GPM6A: variants seen among roughly 807,000 people sequenced by gnomAD.
GPM6A encodes glycoprotein M6A, also known as neuronal membrane glycoprotein M6-a.
GPM6A carries 7 observed loss-of-function variants against 32.1 expected under a neutral mutation model. The ratio of observed to expected loss-of-function variants is 0.22; its 90% CI spans 0.12 to 0.41. GPM6A has a LOEUF of 0.41. Ranked by LOEUF, GPM6A falls within the 10% of genes least tolerant of loss-of-function variation. The pLI is 1.00. For missense variants in GPM6A, 235 were observed against 347.2 expected (o/e 0.68, Z 2.57); for synonymous variants, 130 against 123.4 (o/e 1.05, Z -0.35).
intron 1 of GPM6A, among the ~76,000 whole-genome samples, chr4:176,000,627 C>T (rs1474232122): frequency 3.3e-5 from 5 of 152,090 alleles, no homozygotes. Flanking sequence ...CATTTTAATG[C>T]TTTTAATACA....
At chr4:175,636,136 G>T (rs535326394) in intron 6 of GPM6A, among the ~76,000 whole-genome samples, 2 of 151,384 alleles carry the variant, frequency 1.3e-5, no homozygotes, top group African/African-American at 4.8e-5. Context: ...CCTATTTTTA[G>T]AATTTTCTGT....
chr4:175,931,640 T>A (rs1739040758), intron 1 of GPM6A, among the ~76,000 whole-genome samples: 1 of 149,764 alleles, frequency 6.7e-6, no homozygotes, highest in Non-Finnish European at 1.5e-5. Flanking sequence ...GCTTTAAGAG[T>A]CCATTTCTGA....
intron 3 of GPM6A, among the ~76,000 whole-genome samples, chr4:175,662,022 TA>T (rs1016733081): frequency 2.0e-5 from 3 of 152,040 alleles, no homozygotes; most frequent in South Asian, 2.1e-4. Flanking sequence ...TAAATTTTTT[TA>T]AAAAAAATTA....
intron 1 of GPM6A, among the ~76,000 whole-genome samples, chr4:175,773,168 A>C (rs1001889277): frequency 6.6e-6 from 1 of 152,226 alleles, no homozygotes; most frequent in Non-Finnish European, 1.5e-5. Flanking sequence ...GTGCATATTA[A>C]AAAACAGTTG....
intron 1 of GPM6A, among the ~76,000 whole-genome samples, chr4:175,948,352 C>T (rs1388462940): frequency 6.6e-6 from 1 of 152,088 alleles, no homozygotes; most frequent in East Asian, 1.9e-4. Context: ...TTTTTCTTTC[C>T]TTCATAGAAG....
At chr4:175,672,448 C>A (rs905604533) in intron 3 of GPM6A, among the ~76,000 whole-genome samples, 7 of 152,170 alleles carry the variant, frequency 4.6e-5, no homozygotes, top group African/African-American at 1.7e-4. Flanking sequence ...ATTCACTATA[C>A]TCTATTGACA....
chr4:175,670,451 A>AACTT (rs1195559904), intron 3 of GPM6A, among the ~76,000 whole-genome samples: 1 of 152,212 alleles, frequency 6.6e-6, no homozygotes, highest in Non-Finnish European at 1.5e-5. Context: ...TTTTGGCTTA[A>AACTT]ACTTTAATAA....
chr4:175,930,417 C>A (rs1338806193), intron 1 of GPM6A, among the ~76,000 whole-genome samples: 1 of 103,886 alleles, frequency 9.6e-6, no homozygotes, highest in Admixed American at 1.2e-4. Context: ...GGCTTTTCAT[C>A]TGTTTTTTGG....
chr4:175,844,456 A>T (rs777560711), intron 1 of GPM6A, among the ~76,000 whole-genome samples: 4 of 152,142 alleles, frequency 2.6e-5, no homozygotes, highest in Non-Finnish European at 2.9e-5. Flanking sequence ...GAAACCAAGG[A>T]TATGAAATAT....
chr4:175,977,003 C>A (rs1740683219), intron 1 of GPM6A, among the ~76,000 whole-genome samples: 1 of 152,156 alleles, frequency 6.6e-6, no homozygotes, highest in Admixed American at 6.6e-5. Flanking sequence ...CTATCCAGAT[C>A]TTTAAAATTA....
chr4:175,753,768 T>C (rs527369021), intron 1 of GPM6A, among the ~76,000 whole-genome samples: 1 of 152,304 alleles, frequency 6.6e-6, no homozygotes, highest in South Asian at 2.1e-4. Context: ...CTAGAAATCC[T>C]ATTTCCATTT....
chr4:175,887,133 T>A (rs1461208454), intron 1 of GPM6A, among the ~76,000 whole-genome samples: 1 of 151,828 alleles, frequency 6.6e-6, no homozygotes, highest in Non-Finnish European at 1.5e-5. Flanking sequence ...AAATACATGG[T>A]TTATCAAATA....
chr4:175,885,687 T>C (rs1737429122), intron 1 of GPM6A, among the ~76,000 whole-genome samples: 1 of 152,174 alleles, frequency 6.6e-6, no homozygotes, highest in Non-Finnish European at 1.5e-5. Context: ...ATATCCAAAA[T>C]AATTGAAAGC....
intron 1 of GPM6A, among the ~76,000 whole-genome samples, chr4:175,785,198 A>G (rs1300532461): frequency 6.6e-6 from 1 of 152,156 alleles, no homozygotes. Context: ...TCGCCATGCT[A>G]TGAAAAGTTC....
intron 3 of GPM6A, among the ~76,000 whole-genome samples, chr4:175,671,924 AGC>A (rs1743096528): frequency 8.0e-6 from 1 of 125,528 alleles, no homozygotes; most frequent in Non-Finnish European, 1.8e-5. Flanking sequence ...CCCACGCAGC[AGC>A]TGCTGCCACC....
At chr4:175,745,846 C>T (rs1732082585) in intron 1 of GPM6A, among the ~76,000 whole-genome samples, 1 of 152,116 alleles carries the variant, frequency 6.6e-6, no homozygotes, top group Admixed American at 6.6e-5. Context: ...GTTGGGAAGA[C>T]TTCTTCATGT....
chr4:175,962,417 G>A, intron 1 of GPM6A: 1 of 716,446 alleles, frequency 1.4e-6, no homozygotes, highest in Non-Finnish European at 2.6e-6. Context: ...CCAAGTGGGA[G>A]CAAAAGCAAG....
At chr4:175,813,211 T>C (rs1734997255), upstream of GPM6A, 1 of 336,416 alleles carries the variant, frequency 3.0e-6, no homozygotes, top group South Asian at 1.2e-4. Context: ...AGGTCAGTGT[T>C]AGGGAATGAG....
At chr4:175,697,463 C>A (rs1446382418) in intron 2 of GPM6A, among the ~76,000 whole-genome samples, 1 of 152,120 alleles carries the variant, frequency 6.6e-6, no homozygotes, top group East Asian at 1.9e-4. Flanking sequence ...GTTTTGAGTG[C>A]TGAGTGGGCC....
Sources: allele counts gnomAD v4.1 joint callset (sites outside exome capture counted in the v4.1 genomes callset), GRCh38; gene constraint gnomAD v4.1.1; transcripts MANE v1.5; gene names NCBI Gene and HGNC (gene_info 2026-07-23, HGNC 2026-07-21).